ZFPM2: variants seen among roughly 807,000 people sequenced by gnomAD.
The protein encoded by ZFPM2 is zinc finger protein ZFPM2.
ZFPM2 carries 20 observed loss-of-function variants against 98.6 expected under a neutral mutation model. The observed-to-expected ratio is 0.20, with a 90% confidence interval of 0.14 to 0.29. The LOEUF (loss-of-function observed/expected upper bound fraction) is 0.29. Among genes scored for constraint, ZFPM2 ranks in the 10% least tolerant of loss-of-function variants. ZFPM2 has a pLI of 1.00. For missense variants in ZFPM2, 1,310 were observed against 1,388.6 expected (o/e 0.94, Z 0.90); for synonymous variants, 518 against 502.7 (o/e 1.03, Z -0.41).
chr8:105,442,495 T>G lies in ZFPM2; in HGVS notation c.200-1785T>G, dbSNP rs371446229. Among the ~76,000 whole-genome samples, 923 of 152,362 alleles carry G rather than the reference T, an allele frequency of 6.1e-3. 9 individuals carry two copies. The highest frequency in any genetic ancestry group is 0.02 in the African/African-American group (811 of 41,582). On this transcript the variant is annotated intron_variant, in intron 2 of 7. Transcript: ENST00000407775. ...ATCATCCTGCACCTACCACAGTTCC[T>G]TAAACATAGTAGATGCTCAATATTT...
intron 2 of ZFPM2, among the ~76,000 whole-genome samples, chr8:105,434,100 A>C (rs1335912995): frequency 1.3e-5 from 2 of 152,210 alleles, no homozygotes; most frequent in East Asian, 3.9e-4. Flanking sequence ...ATTATACATA[A>C]GTAGTAAGTC....
chr8:105,745,300 T>G (rs1007191503), intron 5 of ZFPM2, among the ~76,000 whole-genome samples: 6 of 152,172 alleles, frequency 3.9e-5, no homozygotes, highest in African/African-American at 1.4e-4. Context: ...AATGTTTCAG[T>G]TCTTCAGATA....
At chr8:105,675,532 G>T (rs1156338164) in intron 5 of ZFPM2, among the ~76,000 whole-genome samples, 1 of 152,130 alleles carries the variant, frequency 6.6e-6, no homozygotes, top group Non-Finnish European at 1.5e-5. Context: ...ACAAATGGAG[G>T]CATAGAACTC....
At chr8:105,447,690 G>A (rs1337221978) in intron 3 of ZFPM2, among the ~76,000 whole-genome samples, 3 of 152,054 alleles carry the variant, frequency 2.0e-5, no homozygotes, top group African/African-American at 4.8e-5. Context: ...CAGAGTCAAA[G>A]GATGGGAAAA....
Position 105,802,232 on chromosome 8 carries a change from C to A in ZFPM2, c.2150C>A (p.Pro717Gln). The part of the protein sequence containing the change: ...QYYCATRHDP[P>Q]LKRSASNKVP... ...TACTGTGCTACACGCCACGACCCTC[C>A]ACTGAAGAGGTCTGCTTCCAACAAA... Residue 717 changes from proline (P) to glutamine (Q), a missense_variant, in exon 8 of 8, where the codon CCA becomes CAA. By Grantham distance (76) the Pro-to-Gln change is moderately conservative. Transcript: ENST00000407775. The A allele has an allele frequency of 6.2e-7, 1 of 1,613,928 alleles. No individual in the cohort carries two copies. The highest frequency in any genetic ancestry group is 1.1e-5 in the South Asian group (1 of 91,068).
chr8:105,347,421 C>T (rs1812560034), intron 1 of ZFPM2, among the ~76,000 whole-genome samples: 1 of 151,976 alleles, frequency 6.6e-6, no homozygotes, highest in Non-Finnish European at 1.5e-5. Flanking sequence ...ATCCATAAAC[C>T]TTAATGTGAA....
intron 4 of ZFPM2, among the ~76,000 whole-genome samples, chr8:105,611,570 T>A (rs137945610): frequency 6.6e-6 from 1 of 152,172 alleles, no homozygotes; most frequent in Non-Finnish European, 1.5e-5. Flanking sequence ...ACAACAGTTT[T>A]GAAATCAGGG....
At chr8:105,383,167 T>A (rs1364639691) in intron 1 of ZFPM2, among the ~76,000 whole-genome samples, 1 of 152,044 alleles carries the variant, frequency 6.6e-6, no homozygotes, top group East Asian at 1.9e-4. Context: ...CGAAGGACAT[T>A]TAGGCTGTAT....
chr8:105,650,244 G>T (rs1267272996), intron 5 of ZFPM2, among the ~76,000 whole-genome samples: 1 of 151,996 alleles, frequency 6.6e-6, no homozygotes, highest in Non-Finnish European at 1.5e-5. Context: ...ACTTTTTATT[G>T]TGTCTATTTG....
intron 5 of ZFPM2, among the ~76,000 whole-genome samples, chr8:105,709,796 TG>T (rs1057441621): frequency 1.3e-5 from 2 of 152,142 alleles, no homozygotes; most frequent in African/African-American, 4.8e-5. Context: ...AAGTTTAAGC[TG>T]TATGAAACTT....
At chr8:105,608,500 T>A (rs1348447065) in intron 4 of ZFPM2, among the ~76,000 whole-genome samples, 1 of 151,930 alleles carries the variant, frequency 6.6e-6, no homozygotes, top group Non-Finnish European at 1.5e-5. Flanking sequence ...TCAAACATTT[T>A]TCACATTATT....
intron 1 of ZFPM2, among the ~76,000 whole-genome samples, chr8:105,402,844 A>G (rs1394653301): frequency 1.3e-5 from 2 of 152,072 alleles, no homozygotes; most frequent in East Asian, 1.9e-4. Flanking sequence ...AATAAAGTCT[A>G]TAGAAATTAT....
At chr8:105,531,606 G>A (rs1814299264) in intron 3 of ZFPM2, among the ~76,000 whole-genome samples, 1 of 152,086 alleles carries the variant, frequency 6.6e-6, no homozygotes, top group South Asian at 2.1e-4. Flanking sequence ...TTGAGAGTTA[G>A]GATTTCAACA....
chr8:105,605,305 TA>T (rs1318066986), intron 4 of ZFPM2, among the ~76,000 whole-genome samples: 4 of 152,122 alleles, frequency 2.6e-5, no homozygotes, highest in Non-Finnish European at 5.9e-5. Context: ...AGGCAGTTAA[TA>T]ATTACTTCAA....
intron 5 of ZFPM2, among the ~76,000 whole-genome samples, chr8:105,683,217 T>G (rs1810650242): frequency 6.6e-6 from 1 of 152,070 alleles, no homozygotes; most frequent in Non-Finnish European, 1.5e-5. Flanking sequence ...AGCATTCAGG[T>G]CATAGCAAGC....
chr8:105,467,002 A>G (rs956060435), intron 3 of ZFPM2, among the ~76,000 whole-genome samples: 3 of 152,084 alleles, frequency 2.0e-5, no homozygotes, highest in Admixed American at 2.0e-4. Flanking sequence ...CAGTTTCCTC[A>G]TGGAAATGAT....
chr8:105,755,173 T>G (rs1812570206), intron 5 of ZFPM2, among the ~76,000 whole-genome samples: 1 of 152,084 alleles, frequency 6.6e-6, no homozygotes, highest in Non-Finnish European at 1.5e-5. Context: ...AGAGAAGCAT[T>G]GGAAAGACTT....
chr8:105,504,926 C>T (rs1193520468), intron 3 of ZFPM2, among the ~76,000 whole-genome samples: 7 of 143,148 alleles, frequency 4.9e-5, no homozygotes, highest in Non-Finnish European at 3.0e-5. Context: ...TCTACAATTA[C>T]AATTTCAAAA....
At chr8:105,548,176 A>G (rs183542482) in intron 3 of ZFPM2, among the ~76,000 whole-genome samples, 1 of 152,206 alleles carries the variant, frequency 6.6e-6, no homozygotes. Context: ...GTTAGGAACT[A>G]TACACTGAGA....
Sources: allele counts gnomAD v4.1 joint callset (sites outside exome capture counted in the v4.1 genomes callset), GRCh38; gene constraint gnomAD v4.1.1; transcripts MANE v1.5; gene names NCBI Gene and HGNC (gene_info 2026-07-23, HGNC 2026-07-21).